Variants in LNX1 observed in about 807,000 individuals in gnomAD.
LNX1 encodes the protein ligand of numb-protein X 1.
A neutral mutation model predicts 68.4 loss-of-function variants in LNX1; 54 were observed. The ratio of observed to expected loss-of-function variants is 0.79; its 90% CI spans 0.63 to 0.99. The LOEUF (loss-of-function observed/expected upper bound fraction) is 0.99, where lower values mean the gene tolerates loss of function less well. Ranked by LOEUF, LNX1 falls within the 50% of genes least tolerant of loss-of-function variation. LNX1 has a pLI of 0.00. For missense variants in LNX1, 906 were observed against 926.4 expected (o/e 0.98, Z 0.29); for synonymous variants, 336 against 350.0 (o/e 0.96, Z 0.45).
chr4:53,635,558 A>T (rs1245830932), intron 1 of LNX1, among the ~76,000 whole-genome samples: 1 of 152,176 alleles, frequency 6.6e-6, no homozygotes, highest in Non-Finnish European at 1.5e-5. Context: ...AAAGAAAAAT[A>T]GGACTAATCT....
chr4:53,622,899 T>A (rs1205724006), intron 1 of LNX1, among the ~76,000 whole-genome samples: 8 of 152,204 alleles, frequency 5.3e-5, no homozygotes, highest in Non-Finnish European at 1.2e-4. Flanking sequence ...ACAATATTAT[T>A]TCTCTTAGAA....
intron 2 of LNX1, among the ~76,000 whole-genome samples, chr4:53,607,738 A>G (rs975624190): frequency 1.6e-4 from 24 of 152,156 alleles, no homozygotes; most frequent in Non-Finnish European, 2.9e-4. Context: ...CAAGGCCATA[A>G]TAGCCAAACA....
At chr4:53,569,217 C>G (rs1204508212) in intron 2 of LNX1, among the ~76,000 whole-genome samples, 1 of 152,008 alleles carries the variant, frequency 6.6e-6, no homozygotes, top group African/African-American at 2.4e-5. Flanking sequence ...CAATCCTAAG[C>G]CAAAGGAACA....
intron 1 of LNX1, among the ~76,000 whole-genome samples, chr4:53,582,650 T>A (rs1479922378): frequency 6.6e-6 from 1 of 152,226 alleles, no homozygotes; most frequent in African/African-American, 2.4e-5. Context: ...GGGCTAACTC[T>A]ATATCAGATT....
intron 2 of LNX1, among the ~76,000 whole-genome samples, chr4:53,556,563 C>A (rs1052870381): frequency 1.3e-5 from 2 of 152,156 alleles, no homozygotes; most frequent in African/African-American, 4.8e-5. Flanking sequence ...GAGGAATGAG[C>A]CTTTTCATAA....
In LNX1 at chr4:53,561,114, G is replaced by A. The variant is rs191508283; in HGVS notation, c.380+12509C>T. Among the ~76,000 whole-genome samples, 25 of 152,286 alleles carry A rather than the reference G, an allele frequency of 1.6e-4. 1 individual carries two copies. The highest frequency in any genetic ancestry group is 1.3e-3 in the Admixed American group (20 of 15,302). On this transcript the variant is annotated intron_variant, in intron 2 of 10. Coordinates refer to ENST00000263925, the MANE Select transcript of LNX1 (RefSeq NM_001126328.3). ...GAAAATGTTGGGTTCAGAGTTAGAA[G>A]GTCACAGTAAGGATGTATGTCAAAG...
chr4:53,612,106 C>T (rs1044670046), intron 2 of LNX1, among the ~76,000 whole-genome samples: 5 of 152,124 alleles, frequency 3.3e-5, no homozygotes, highest in Admixed American at 6.5e-5. Context: ...AAAGCACATA[C>T]GAAGGGTTGA....
chr4:53,513,072 C>G (rs966717273), intron 2 of LNX1, among the ~76,000 whole-genome samples: 2 of 150,848 alleles, frequency 1.3e-5, no homozygotes, highest in Admixed American at 6.7e-5. Flanking sequence ...GCCCTCCATC[C>G]TCTACCCCAC....
chr4:53,595,380 T>C (rs1224151167), upstream of LNX1, among the ~76,000 whole-genome samples: 9 of 152,208 alleles, frequency 5.9e-5, no homozygotes, highest in Non-Finnish European at 1.2e-4. Flanking sequence ...CTTCATGTCC[T>C]CACATGCCTG....
At chr4:53,624,076 C>G (rs758141715) in intron 1 of LNX1, among the ~76,000 whole-genome samples, 1 of 152,184 alleles carries the variant, frequency 6.6e-6, no homozygotes, top group Non-Finnish European at 1.5e-5. Context: ...CTCCATGACT[C>G]CTTTTCTTGA....
chr4:53,615,714 T>C (rs970708472), intron 2 of LNX1, among the ~76,000 whole-genome samples: 5 of 152,242 alleles, frequency 3.3e-5, no homozygotes, highest in African/African-American at 1.2e-4. Flanking sequence ...CCTTGGATTT[T>C]TTTTTACTAC....
chr4:53,476,724 C>A, intron 9 of LNX1, 29 bp downstream of exon 9: 1 of 1,578,758 alleles, frequency 6.3e-7, no homozygotes, highest in Non-Finnish European at 8.7e-7. Context: ...TCTCCCACGC[C>A]CCTACAGGGA....
intron 1 of LNX1, among the ~76,000 whole-genome samples, chr4:53,586,431 G>A (rs981818644): frequency 2.6e-5 from 4 of 152,218 alleles, no homozygotes; most frequent in African/African-American, 9.6e-5. Context: ...AAAATTCTTG[G>A]AGAGTTTCGA....
upstream of LNX1, among the ~76,000 whole-genome samples, chr4:53,621,613 G>A (rs1733883234): frequency 1.3e-5 from 2 of 152,174 alleles, no homozygotes; most frequent in Admixed American, 1.3e-4. Flanking sequence ...ACTCCAGTCA[G>A]TTGTCTGGTT....
At position 53,481,723 on chromosome 4, in the gene LNX1, G is replaced by A. The variant is rs376036397; in HGVS notation, c.1482C>T (p.Pro494=). 6.2e-7 allele frequency: 1 copy of A among 1,613,340 alleles called. No homozygotes were observed. The highest frequency in any genetic ancestry group is 1.3e-5 in the African/African-American group (1 of 74,880). ...CGACCTGCCCTAGAGGCCTCACCTT[G>A]GGAGTGTTGCTCCTCTCCCCTGGCC... ...SPGPGERSNT[P]KPLHPTITCH... The change falls in exon 7 of 11, where the codon CCC becomes CCT. Residue 494 remains proline, a synonymous_variant. Transcript: ENST00000263925.
intron 1 of LNX1, among the ~76,000 whole-genome samples, chr4:53,638,974 T>A (rs1280431093): frequency 6.6e-6 from 1 of 152,118 alleles, no homozygotes. Context: ...ACCCAGCAAT[T>A]CCATTACAGA....
chr4:53,621,066 G>A (rs1733850907), upstream of LNX1, among the ~76,000 whole-genome samples: 1 of 152,202 alleles, frequency 6.6e-6, no homozygotes, highest in Admixed American at 6.5e-5. Context: ...CTCCCAGGGA[G>A]CATTACTCAG....
intron 2 of LNX1, among the ~76,000 whole-genome samples, chr4:53,548,859 A>T (rs778248243): frequency 6.6e-6 from 1 of 152,204 alleles, no homozygotes; most frequent in Non-Finnish European, 1.5e-5. Flanking sequence ...AAAGAACAAG[A>T]TCATGTCTTT....
At chr4:53,567,105 G>A (rs1399802211) in intron 2 of LNX1, among the ~76,000 whole-genome samples, 12 of 140,296 alleles carry the variant, frequency 8.6e-5, no homozygotes, top group African/African-American at 3.0e-4. Flanking sequence ...AAGTCAACAA[G>A]GATACCCAGG....
Sources: gnomAD v4.1 joint callset for allele counts (sites outside exome capture counted in the v4.1 genomes callset) on GRCh38, gnomAD v4.1.1 for gene constraint, MANE v1.5 for transcripts, NCBI Gene and HGNC (gene_info 2026-07-23, HGNC 2026-07-21) for gene names.